Variants in IBTK observed in about 807,000 individuals in gnomAD.
The protein encoded by IBTK is inhibitor of Bruton tyrosine kinase.
Under a neutral mutation model 154.9 loss-of-function variants are expected in IBTK, and 83 were observed. That is an observed-to-expected ratio of 0.54 (90% CI 0.45 to 0.64). IBTK has a LOEUF of 0.64. Among genes scored for constraint, IBTK ranks in the 30% least tolerant of loss-of-function variants. The pLI is 0.00. For synonymous variants in IBTK, 515 were observed against 536.1 expected, an observed-to-expected ratio of 0.96 and a Z score of 0.54; for missense variants, 1,332 against 1,584.6, an observed-to-expected ratio of 0.84 and a Z score of 2.71.
chr6:82,184,831 A>G (rs540346933), intron 25 of IBTK, among the ~76,000 whole-genome samples: 2 of 152,338 alleles, frequency 1.3e-5, no homozygotes, highest in South Asian at 2.1e-4. Context: ...TTGAAGAAGT[A>G]AAATCTTATT....
At chr6:82,213,956 AT>A (rs369633395) in intron 12 of IBTK, among the ~76,000 whole-genome samples, 3,067 of 51,182 alleles carry the variant, frequency 0.06, 111 homozygotes, top group African/African-American at 0.16. Flanking sequence ...AAAGGGTGGG[AT>A]TTTTTTTTTT....
intron 12 of IBTK, 36 bp downstream of exon 12, chr6:82,214,191 T>G: frequency 6.5e-7 from 1 of 1,545,514 alleles, no homozygotes; most frequent in South Asian, 1.3e-5. Context: ...GAGGACTGAA[T>G]GAGGTACAGG....
intron 17 of IBTK, among the ~76,000 whole-genome samples, chr6:82,202,924 A>G (rs541411995): frequency 6.6e-6 from 1 of 152,310 alleles, no homozygotes; most frequent in East Asian, 1.9e-4. Context: ...ACCCAAAAGC[A>G]AACACATAAG....
At chr6:82,220,788 T>C (rs1043602304) in intron 8 of IBTK, 75 bp from the exon 9 acceptor site, 24 of 1,181,792 alleles carry the variant, frequency 2.0e-5, no homozygotes, top group African/African-American at 1.3e-4. Context: ...AAGAAGTTAG[T>C]ATTCAAACAA....
intron 28 of IBTK, 43 bp from the exon 29 acceptor site, chr6:82,171,599 A>G: frequency 6.6e-7 from 1 of 1,522,486 alleles, no homozygotes; most frequent in Non-Finnish European, 8.9e-7. Flanking sequence ...TCTTTTAATT[A>G]TAAACTAAGC....
Position 82,170,146 on chromosome 6 carries a change from AC to A in IBTK, c.*1278del, listed in dbSNP as rs1349522549. 6.6e-6 allele frequency: 1 copy of A among 152,350 alleles called. No homozygotes were observed. The highest frequency in any genetic ancestry group is 1.5e-5 in the Non-Finnish European group (1 of 68,050). 9.4% of individuals were successfully genotyped at this position (152,350 alleles called of 1,614,324 possible). ...AAATACAGCATCAACTTAACCATAT[AC>A]TGGCCACTAGTGTAGCACATCAGAA... On this transcript the variant is annotated 3_prime_UTR_variant, in exon 29 of 29. Transcript: ENST00000306270.
In IBTK at chr6:82,224,178, G is replaced by A; in HGVS notation, c.833C>T (p.Ala278Val). 6.2e-7 allele frequency: 1 copy of A among 1,611,928 alleles called. No homozygotes were observed. The highest frequency in any genetic ancestry group is 1.1e-5 in the South Asian group (1 of 91,028). The change falls in exon 7 of 29, where the codon GCA (alanine) becomes GTA (valine). Residue 278 changes from alanine (A) to valine (V), a missense_variant. Physicochemically the swap from Ala to Val is moderately conservative, Grantham distance 64 (BLOSUM62 0). Around this residue, in one of 3 missense-constraint regions of IBTK, gnomAD observed 1,134 missense variants for 1,274.7 expected, o/e 0.89. Transcript: ENST00000306270. ...GATTGTCCTTCCTTTCAGATATTTT[G>A]CCTGTATCTATTTAAAGACAAATAA... ...SSCNVPRQIQAKYLKGRTIIG... is the reference protein window; with the variant it reads ...SSCNVPRQIQVKYLKGRTIIG...
Position 82,214,407 on chromosome 6 carries a change from T to G in IBTK, c.2024A>C (p.Glu675Ala). ...NSHLNKVNFH[E>A]DDNQKSAFEV... is the part of the protein sequence containing the mutation. ...AAATGCAGACTTCTGGTTATCATCT[T>G]CATGGAAATTCACTTTATTCAAATG... Residue 675 changes from glutamate (E) to alanine (A), a missense_variant, in exon 12 of 29, where the codon GAA (glutamate) becomes GCA (alanine). Transcript: ENST00000306270. The G allele has an allele frequency of 6.2e-7, 1 of 1,613,996 alleles. No individual in the cohort carries two copies. Among genetic ancestry groups the G allele is most frequent in the Non-Finnish European group, 8.5e-7 (1 of 1,179,908 alleles).
chr6:82,172,649 A>G lies in IBTK; in HGVS notation c.3798-137T>C, dbSNP rs571043996. 6 of 666,430 alleles carry G rather than the reference A, an allele frequency of 9.0e-6. No individual in the cohort carries two copies. The African/African-American group carries it at 1.1e-4, about 12-fold the overall frequency. 41.3% of individuals were successfully genotyped at this position (666,430 alleles called of 1,614,324 possible). A position where few individuals can be genotyped will look rare whatever the true frequency, so the allele number is the denominator to read the frequency against. On this transcript the variant is annotated intron_variant, in intron 27 of 28. Coordinates refer to ENST00000306270, the MANE Select transcript of IBTK (RefSeq NM_015525.4). ...AACGAACCTGGAAGCTTTCACAGAG[A>G]TTACAGAATGATGAGTTTCACTCAT...
At chr6:82,193,081 GAGCA>G (rs896585630) in intron 23 of IBTK, among the ~76,000 whole-genome samples, 7 of 140,250 alleles carry the variant, frequency 5.0e-5, no homozygotes, top group African/African-American at 1.9e-4. Flanking sequence ...CTGGGCAACA[GAGCA>G]AGACTGTCTC....
At chr6:82,187,159 G>A (rs1209270236) in intron 25 of IBTK, among the ~76,000 whole-genome samples, 1 of 151,966 alleles carries the variant, frequency 6.6e-6, no homozygotes, top group Non-Finnish European at 1.5e-5. Context: ...CAGGTGATCT[G>A]CCTGCCTTGG....
intron 26 of IBTK, among the ~76,000 whole-genome samples, chr6:82,175,575 A>G (rs1232952315): frequency 3.9e-5 from 6 of 152,280 alleles, no homozygotes; most frequent in Admixed American, 2.6e-4. Flanking sequence ...GATTAAACAA[A>G]TATCAAAAAC....
intron 26 of IBTK, among the ~76,000 whole-genome samples, chr6:82,174,530 C>T (rs1006487676): frequency 1.3e-5 from 2 of 152,056 alleles, no homozygotes; most frequent in African/African-American, 4.8e-5. Flanking sequence ...TAAGTAAAGG[C>T]AGGCTGTTCT....
chr6:82,181,531 G>T (rs1582184071), intron 26 of IBTK, among the ~76,000 whole-genome samples: 1 of 152,174 alleles, frequency 6.6e-6, no homozygotes, highest in African/African-American at 2.4e-5. Context: ...GGGGGAAACA[G>T]AAGGAAGAGA....
intron 3 of IBTK, among the ~76,000 whole-genome samples, chr6:82,233,908 A>G (rs542319054): frequency 4.2e-4 from 64 of 152,046 alleles, no homozygotes; most frequent in Admixed American, 2.0e-3. Context: ...TAACTTTTGT[A>G]TTTTTAGTAG....
intron 23 of IBTK, among the ~76,000 whole-genome samples, chr6:82,192,089 T>C (rs1007273339): frequency 3.9e-5 from 6 of 152,164 alleles, no homozygotes; most frequent in Admixed American, 1.3e-4. Context: ...ATATCCAAAA[T>C]GTTAAGTGAT....
At chr6:82,228,863 T>C (rs931186987) in intron 4 of IBTK, among the ~76,000 whole-genome samples, 2 of 152,000 alleles carry the variant, frequency 1.3e-5, no homozygotes, top group African/African-American at 4.8e-5. Context: ...CCTCGTGATC[T>C]GCCCGCCTCA....
At chr6:82,236,822 T>A (rs937692094) in intron 2 of IBTK, among the ~76,000 whole-genome samples, 2 of 152,158 alleles carry the variant, frequency 1.3e-5, no homozygotes, top group African/African-American at 4.8e-5. Flanking sequence ...ATTAAAGAAG[T>A]GTTGGAAGGT....
chr6:82,247,682 AC>A lies in IBTK; in HGVS notation c.-479del. ...CGGCGCCAGAGGGGCCAGTCCCCAG[AC>A]CCGGGTCAGTTCGGCAGGCGGCTGC... On this transcript the variant is annotated 5_prime_UTR_variant, in exon 1 of 29. Coordinates refer to ENST00000306270, the MANE Select transcript of IBTK (RefSeq NM_015525.4). The A allele has an allele frequency of 2.5e-6, 1 of 398,828 alleles. No homozygotes were observed. Among genetic ancestry groups the A allele is most frequent in the East Asian group, 3.6e-5 (1 of 28,064 alleles). 24.7% of individuals were successfully genotyped at this position (398,828 alleles called of 1,614,324 possible).
Sources: gnomAD v4.1 joint callset for allele counts (sites outside exome capture counted in the v4.1 genomes callset) on GRCh38, gnomAD v4.1.1 for gene constraint, gnomAD v4.1.1 regional missense constraint, MANE v1.5 for transcripts, NCBI Gene and HGNC (gene_info 2026-07-23, HGNC 2026-07-21) for gene names.